Variants in KCNQ4 observed in about 807,000 individuals in gnomAD.
The protein encoded by KCNQ4 is potassium voltage-gated channel subfamily KQT member 4.
In KCNQ4, 31 loss-of-function variants were observed where a neutral mutation model predicts 72.6. The observed-to-expected ratio is 0.43, with a 90% CI of 0.32 to 0.58. The LOEUF (loss-of-function observed/expected upper bound fraction) is 0.58. Ranked by LOEUF, KCNQ4 falls within the 20% of genes least tolerant of loss-of-function variation. KCNQ4 has a pLI of 0.08. For missense variants in KCNQ4, 869 were observed against 962.6 expected, an observed-to-expected ratio of 0.90 and a Z score of 1.29; for synonymous variants, 405 against 403.7, an observed-to-expected ratio of 1.00 and a Z score of -0.04.
chr1:40,817,221 G>A lies in KCNQ4; in HGVS notation c.315-44G>A. 3 of 1,541,040 alleles carry A rather than the reference G, an allele frequency of 1.9e-6. No individual in the cohort carries two copies. The highest frequency in any genetic ancestry group is 2.7e-6 in the Non-Finnish European group (3 of 1,116,570). ...CTGCCAGGGGCACCTTGGCTGTCCTGTCCCTCCAACAATCTAACCCTCTCC... is the reference window on the plus strand; with the variant it reads ...CTGCCAGGGGCACCTTGGCTGTCCTATCCCTCCAACAATCTAACCCTCTCC... On this transcript the variant is annotated intron_variant, in intron 1 of 13. Coordinates refer to ENST00000347132, the MANE Select transcript of KCNQ4 (RefSeq NM_004700.4). The surrounding 1 kb of genome is among the most constrained non-coding windows in gnomAD (Gnocchi z 5.5).
chr1:40,825,414 C>G (rs1648446038), intron 9 of KCNQ4, among the ~76,000 whole-genome samples: 1 of 152,208 alleles, frequency 6.6e-6, no homozygotes, highest in African/African-American at 2.4e-5. Flanking sequence ...AGTGTTTAGG[C>G]TGATTGGGGC....
chr1:40,793,664 A>G (rs914799890), intron 1 of KCNQ4, among the ~76,000 whole-genome samples: 1 of 152,130 alleles, frequency 6.6e-6, no homozygotes. Context: ...CCTCCACACA[A>G]GCATCCTTTG....
At chr1:40,815,420 G>A (rs1226401609) in intron 1 of KCNQ4, among the ~76,000 whole-genome samples, 1 of 152,144 alleles carries the variant, frequency 6.6e-6, no homozygotes, top group Non-Finnish European at 1.5e-5. Flanking sequence ...CCCGAGGAGA[G>A]GGCTGCATGA....
chr1:40,805,526 G>A (rs1334817865), intron 1 of KCNQ4, among the ~76,000 whole-genome samples: 2 of 152,134 alleles, frequency 1.3e-5, no homozygotes, highest in Admixed American at 6.5e-5. Context: ...TGTTGGATTT[G>A]TTTTTCCCTC....
chr1:40,804,433 G>A (rs1647688634), intron 1 of KCNQ4, among the ~76,000 whole-genome samples: 1 of 152,182 alleles, frequency 6.6e-6, no homozygotes, highest in South Asian at 2.1e-4. Flanking sequence ...ATCTATAAAT[G>A]AGAAGGTTGG....
intron 1 of KCNQ4, among the ~76,000 whole-genome samples, chr1:40,789,815 GCT>G (rs1193432893): frequency 6.6e-6 from 1 of 152,190 alleles, no homozygotes; most frequent in Non-Finnish European, 1.5e-5. Context: ...TTAATTTCAG[GCT>G]CTCTGAGCCA....
chr1:40,835,061 C>T lies in KCNQ4; in HGVS notation c.1708C>T (p.Leu570=), dbSNP rs1285069953. 2 of 1,613,946 alleles carry T rather than the reference C, an allele frequency of 1.2e-6. No homozygotes were observed. The highest frequency in any genetic ancestry group is 1.7e-6 in the Non-Finnish European group (2 of 1,179,944). The change falls in exon 12 of 14, where the codon CTG becomes TTG. Residue 570 remains leucine, a synonymous_variant. Coordinates refer to ENST00000347132, the MANE Select transcript of KCNQ4 (RefSeq NM_004700.4). The part of the protein sequence containing the change: ...DVIEQYSAGH[L]DMLGRIKSLQ... Reference sequence around the variant, plus strand: ...CATTGAGCAGTACTCAGCAGGCCACCTGGACATGCTGGGCCGGATCAAGAG... The same window carrying T: ...CATTGAGCAGTACTCAGCAGGCCACTTGGACATGCTGGGCCGGATCAAGAG...
chr1:40,802,556 T>C (rs1221495595), intron 1 of KCNQ4, among the ~76,000 whole-genome samples: 1 of 149,254 alleles, frequency 6.7e-6, no homozygotes, highest in African/African-American at 2.5e-5. Context: ...CCCATTTCCG[T>C]AAGCCCCGCC....
intron 12 of KCNQ4, 86 bp downstream of exon 12, chr1:40,835,184 C>A: frequency 1.3e-6 from 2 of 1,507,436 alleles, no homozygotes; most frequent in Non-Finnish European, 1.8e-6. Context: ...CCCCCGAGCA[C>A]CCCCAAGGGC....
intron 1 of KCNQ4, among the ~76,000 whole-genome samples, chr1:40,796,866 C>T (rs541466454): frequency 1.6e-4 from 24 of 151,994 alleles, no homozygotes; most frequent in African/African-American, 5.1e-4. Flanking sequence ...TGCAGTGAGC[C>T]GAGATCGTGC....
At chr1:40,833,251 A>C (rs978137791) in intron 11 of KCNQ4, 138 bp downstream of exon 11, 29 of 652,282 alleles carry the variant, frequency 4.4e-5, no homozygotes, top group Admixed American at 1.3e-4. Flanking sequence ...TCTACTAAAA[A>C]TACAAAAAAT....
chr1:40,815,569 AC>A (rs1489100246), intron 1 of KCNQ4, among the ~76,000 whole-genome samples: 1 of 151,968 alleles, frequency 6.6e-6, no homozygotes, highest in African/African-American at 2.4e-5. Flanking sequence ...GTTCTCCCGT[AC>A]CCCGTGTTTT....
intron 1 of KCNQ4, among the ~76,000 whole-genome samples, chr1:40,807,814 T>A (rs1482046931): frequency 6.6e-6 from 1 of 152,050 alleles, no homozygotes; most frequent in Non-Finnish European, 1.5e-5. Flanking sequence ...GTCCTCCAGC[T>A]GAGGGGAGAC....
rs1400889255 is a variant in KCNQ4 at position 40,784,525 on chromosome 1, T to C, written c.314+118T>C. 4 of 955,450 alleles carry C rather than the reference T, an allele frequency of 4.2e-6. No individual in the cohort carries two copies. The highest frequency in any genetic ancestry group is 6.6e-6 in the Non-Finnish European group (4 of 610,648). The allele number at this position is 955,450 out of a possible 1,614,324, so 59.2% of individuals were successfully genotyped here. Reference sequence around the variant, plus strand: ...CCCTGCCTCAGGGCCGACCCTCATCTCTCTCCCCCCAGGCCTAAGCCCGGT... The same window carrying C: ...CCCTGCCTCAGGGCCGACCCTCATCCCTCTCCCCCCAGGCCTAAGCCCGGT... On this transcript the variant is annotated intron_variant, in intron 1 of 13. Coordinates refer to ENST00000347132, the MANE Select transcript of KCNQ4 (RefSeq NM_004700.4). The surrounding 1 kb of genome is among the most constrained non-coding windows in gnomAD (Gnocchi z 4.1).
chr1:40,788,514 A>G lies in KCNQ4; in HGVS notation c.314+4107A>G, dbSNP rs554337816. ...AACCGGTCTCATTGTGTCCTTCTGC[A>G]GCCTTGTGAGGTGGGCACTGTTATC... On this transcript the variant is annotated intron_variant, in intron 1 of 13. Coordinates refer to ENST00000347132, the MANE Select transcript of KCNQ4 (RefSeq NM_004700.4). This position sits in a 1 kb window ranked among gnomAD's most constrained non-coding sequence, Gnocchi z 4.5. Among the ~76,000 whole-genome samples, 1 of 152,330 alleles carries G rather than the reference A, an allele frequency of 6.6e-6. No individual in the cohort carries two copies. Among genetic ancestry groups the G allele is most frequent in the Non-Finnish European group, 1.5e-5 (1 of 68,022 alleles).
At chr1:40,804,459 C>T (rs1347773025) in intron 1 of KCNQ4, among the ~76,000 whole-genome samples, 1 of 152,144 alleles carries the variant, frequency 6.6e-6, no homozygotes, top group African/African-American at 2.4e-5. Flanking sequence ...CTCTAAGGGA[C>T]CTTTCAGTGC....
chr1:40,822,214 C>T lies in KCNQ4; in HGVS notation c.1042-100C>T. Reference sequence around the variant, plus strand: ...GAACTGGCCTCTGGCTCTGGGTAACCCACAACTGGACCAAGGACTGGGTTC... The same window carrying T: ...GAACTGGCCTCTGGCTCTGGGTAACTCACAACTGGACCAAGGACTGGGTTC... On this transcript the variant is annotated intron_variant, in intron 7 of 13. Coordinates refer to ENST00000347132, the MANE Select transcript of KCNQ4 (RefSeq NM_004700.4). 3.9e-6 allele frequency: 4 copies of T among 1,027,532 alleles called. No homozygotes were observed. The East Asian group carries it at 9.8e-5, about 25-fold the overall frequency. 63.7% of individuals were successfully genotyped at this position (1,027,532 alleles called of 1,614,324 possible).
rs1647187218 is a variant in KCNQ4, at chr1:40,784,872, G to A, written c.314+465G>A. Among the ~76,000 whole-genome samples, 1 of 152,326 alleles carries A rather than the reference G, an allele frequency of 6.6e-6. No homozygotes were observed. Among genetic ancestry groups the A allele is most frequent in the East Asian group, 1.9e-4 (1 of 5,172 alleles). ...CTGAGCTATGAAGGGCTCCCCTCAG[G>A]GGTGCTCCTCTCCAGGGCGGCCCTC... On this transcript the variant is annotated intron_variant, in intron 1 of 13. Coordinates refer to ENST00000347132, the MANE Select transcript of KCNQ4 (RefSeq NM_004700.4). The surrounding 1 kb of genome is among the most constrained non-coding windows in gnomAD (Gnocchi z 4.1).
At chr1:40,826,674 C>T (rs1220227967) in intron 9 of KCNQ4, 1 of 455,946 alleles carries the variant, frequency 2.2e-6, no homozygotes, top group Admixed American at 2.3e-5. Context: ...TCTTTCGGAT[C>T]CACGCCAGCT....
Sources: gnomAD v4.1 joint callset for allele counts (sites outside exome capture counted in the v4.1 genomes callset) on GRCh38, gnomAD v4.1.1 for gene constraint, Gnocchi (gnomAD v3.1) non-coding constraint, MANE v1.5 for transcripts, NCBI Gene and HGNC (gene_info 2026-07-23, HGNC 2026-07-21) for gene names.